Variants in SLC14A1 observed in about 807,000 individuals in gnomAD.
The protein encoded by SLC14A1 is solute carrier family 14 member 1 (Kidd blood group), also known as urea transporter 1.
A neutral mutation model predicts 39.6 loss-of-function variants in SLC14A1; 36 were observed. That is an observed-to-expected ratio of 0.91 (90% CI 0.70 to 1.20). The LOEUF (loss-of-function observed/expected upper bound fraction) is 1.20, where lower values mean the gene tolerates loss of function less well. Ranked by LOEUF, SLC14A1 falls within the 50% of genes most tolerant of loss-of-function variation. SLC14A1 has a pLI of 0.00. For missense variants in SLC14A1, 469 were observed against 478.7 expected (o/e 0.98, Z 0.19); for synonymous variants, 164 against 173.6 (o/e 0.94, Z 0.43).
Position 45,749,892 on chromosome 18 carries a change from GAAGAAA to G in SLC14A1, c.1113_1118del (p.Glu371_Asn373delinsAsp), listed in dbSNP as rs1259217793. ...GCCCCTCAGTAAAGTTACTTATCCT[GAAGAAA>G]ACCGCATCTTCTACCTGCAAGCCAA... On this transcript the variant is annotated inframe_deletion, in exon 10 of 10. Transcript: ENST00000321925. 1.9e-6 allele frequency: 3 copies of G among 1,614,014 alleles called. No individual in the cohort carries two copies. Among genetic ancestry groups the G allele is most frequent in the Non-Finnish European group, 2.5e-6 (3 of 1,180,034 alleles).
chr18:45,732,624 C>T (rs1235353398), intron 4 of SLC14A1, among the ~76,000 whole-genome samples: 1 of 124,492 alleles, frequency 8.0e-6, no homozygotes, highest in Non-Finnish European at 1.9e-5. Flanking sequence ...AGCTGTCACA[C>T]TATCCCTTAC....
chr18:45,733,249 AAGG>A (rs1197226019), intron 4 of SLC14A1, among the ~76,000 whole-genome samples: 2 of 152,204 alleles, frequency 1.3e-5, no homozygotes, highest in Admixed American at 6.5e-5. Context: ...CAATCTAAAG[AAGG>A]AGAAGAAGAC....
In SLC14A1 at chr18:45,740,331, T is replaced by A. The variant is rs192422181; in HGVS notation, c.946+669T>A. Among the ~76,000 whole-genome samples, 4 of 152,238 alleles carry A rather than the reference T, an allele frequency of 2.6e-5. No individual in the cohort carries two copies. In the East Asian group the frequency reaches 7.7e-4, roughly 29 times the overall value. Reference sequence around the variant, plus strand: ...ACAGTAACCCAGCCATTCTAAAACTTCAGAATGCATCAGAATCACCTGAAA... The same window carrying A: ...ACAGTAACCCAGCCATTCTAAAACTACAGAATGCATCAGAATCACCTGAAA... On this transcript the variant is annotated intron_variant, in intron 8 of 9. Transcript: ENST00000321925.
intron 2 of SLC14A1, 156 bp downstream of exon 2, chr18:45,725,169 T>G (rs997122523): frequency 9.2e-5 from 14 of 152,234 alleles, no homozygotes; most frequent in African/African-American, 3.1e-4. Context: ...GTCTCTCCAA[T>G]TGCACAAATT....
chr18:45,734,884 C>T (rs2047141536), intron 5 of SLC14A1, among the ~76,000 whole-genome samples: 1 of 152,140 alleles, frequency 6.6e-6, no homozygotes, highest in African/African-American at 2.4e-5. Context: ...TAGATTCTGT[C>T]TATTGGAAAC....
At chr18:45,735,888 T>C (rs1340056637) in intron 5 of SLC14A1, among the ~76,000 whole-genome samples, 1 of 152,216 alleles carries the variant, frequency 6.6e-6, no homozygotes, top group East Asian at 1.9e-4. Flanking sequence ...GTTTATGGGC[T>C]CTGAGGCTAA....
intron 8 of SLC14A1, among the ~76,000 whole-genome samples, chr18:45,746,852 T>C (rs2047557781): frequency 6.6e-6 from 1 of 152,104 alleles, no homozygotes; most frequent in Non-Finnish European, 1.5e-5. Flanking sequence ...TTACAGATGA[T>C]GAAACTAGAT....
chr18:45,727,096 G>T, intron 2 of SLC14A1: 1 of 612,662 alleles, frequency 1.6e-6, no homozygotes, highest in Non-Finnish European at 2.9e-6. Context: ...TGAAGGCAAA[G>T]TCCTCCTTCT....
Position 45,739,549 on chromosome 18 carries a change from T to G in SLC14A1, c.833T>G (p.Phe278Cys), listed in dbSNP as rs757108168. 6.2e-7 allele frequency: 1 copy of G among 1,614,136 alleles called. No individual in the cohort carries two copies. Among genetic ancestry groups the G allele is most frequent in the Admixed American group, 1.7e-5 (1 of 60,022 alleles). ...ACAGGACTCAGTCTTTCAGCCCCAT[T>G]TGAGGACATCTACTTTGGACTCTGG... ...IAAGLSLSAPFEDIYFGLWGF... is the reference protein window; with the variant it reads ...IAAGLSLSAPCEDIYFGLWGF... The change falls in exon 8 of 10, where the codon TTT (phenylalanine) becomes TGT (cysteine). Residue 278 changes from phenylalanine to cysteine, a missense_variant. By Grantham distance (205) the Phe-to-Cys change is radical. Transcript: ENST00000321925.
rs913232413 is a variant in SLC14A1 at position 45,751,356 on chromosome 18, A to C, written c.*1405A>C. On this transcript the variant is annotated 3_prime_UTR_variant, in exon 10 of 10. Transcript: ENST00000321925. ...ACTGTGTCTCTCAAAAAAAAAAAAAAACAAACAAAAACAAAAACAAAACAA... is the reference window on the plus strand; with the variant it reads ...ACTGTGTCTCTCAAAAAAAAAAAAACACAAACAAAAACAAAAACAAAACAA... 4.8e-4 allele frequency: 348 copies of C among 729,564 alleles called. 9 individuals are homozygous for C. The South Asian group carries it at 0.014, about 29-fold the overall frequency. 45.2% of individuals were successfully genotyped at this position (729,564 alleles called of 1,614,324 possible).
chr18:45,739,066 G>A, intron 6 of SLC14A1, 97 bp from the exon 7 acceptor site: 1 of 1,260,766 alleles, frequency 7.9e-7, no homozygotes, highest in South Asian at 1.2e-5. Context: ...GGTAAGGTAT[G>A]TCCAATCTAA....
chr18:45,736,694 C>T lies in SLC14A1; in HGVS notation c.663+46C>T, dbSNP rs374812512. On this transcript the variant is annotated intron_variant, in intron 6 of 9. Coordinates refer to ENST00000321925, the MANE Select transcript of SLC14A1 (RefSeq NM_015865.7). ...ACATTCGCCCTGGCTCTGCAAGATA[C>T]GCAATGGCCTCCTGGTCAACTGTCC... 491 of 1,537,016 alleles carry T rather than the reference C, an allele frequency of 3.2e-4. 7 individuals carry two copies. In the South Asian group the frequency reaches 4.4e-3, roughly 14 times the overall value.
chr18:45,730,211 C>G (rs1216943784), intron 2 of SLC14A1, 89 bp from the exon 3 acceptor site: 1 of 1,367,482 alleles, frequency 7.3e-7, no homozygotes, highest in Non-Finnish European at 1.0e-6. Context: ...ACATAGTGGT[C>G]CAGATCTTCT....
At chr18:45,747,111 A>C (rs2047565443) in intron 8 of SLC14A1, 1 of 152,206 alleles carries the variant, frequency 6.6e-6, no homozygotes, top group South Asian at 2.1e-4. Flanking sequence ...CCACACACCA[A>C]GATAGCTGAC....
At chr18:45,728,016 G>A (rs2046922025) in intron 2 of SLC14A1, among the ~76,000 whole-genome samples, 1 of 152,176 alleles carries the variant, frequency 6.6e-6, no homozygotes, top group African/African-American at 2.4e-5. Context: ...GCAACTGTCT[G>A]CCCAGGTCAT....
At chr18:45,735,769 T>C (rs1241723527) in intron 5 of SLC14A1, among the ~76,000 whole-genome samples, 2 of 152,212 alleles carry the variant, frequency 1.3e-5, no homozygotes, top group Admixed American at 1.3e-4. Context: ...CACGCTCCCT[T>C]CCACAATCCA....
At chr18:45,726,332 G>C (rs2046861200) in intron 2 of SLC14A1, among the ~76,000 whole-genome samples, 1 of 152,118 alleles carries the variant, frequency 6.6e-6, no homozygotes, top group South Asian at 2.1e-4. Context: ...TAAACAACAG[G>C]GGGAGAAAAA....
chr18:45,734,215 G>A, intron 4 of SLC14A1, 59 bp from the exon 5 acceptor site: 4 of 1,608,488 alleles, frequency 2.5e-6, no homozygotes, highest in Non-Finnish European at 2.6e-6. Context: ...TGTTATTTAT[G>A]TGCAAGTGCA....
chr18:45,725,508 C>T (rs2046839184), intron 2 of SLC14A1, among the ~76,000 whole-genome samples: 1 of 152,210 alleles, frequency 6.6e-6, no homozygotes, highest in African/African-American at 2.4e-5. Context: ...AGAGCTCTTT[C>T]TTTGTGGTTG....
Sources: gnomAD v4.1 joint callset for allele counts (sites outside exome capture counted in the v4.1 genomes callset) on GRCh38, gnomAD v4.1.1 for gene constraint, MANE v1.5 for transcripts, NCBI Gene and HGNC (gene_info 2026-07-23, HGNC 2026-07-21) for gene names.